The following SPOCK3 variants were observed in gnomAD, a reference collection of about 807,000 sequenced individuals.
SPOCK3 encodes the protein SPARC (osteonectin), cwcv and kazal like domains proteoglycan 3, also known as testican-3.
In SPOCK3, 30 loss-of-function variants were observed where a neutral mutation model predicts 56.6. That is an observed-to-expected ratio of 0.53 (90% CI 0.40 to 0.72). The LOEUF is 0.72. Among genes scored for constraint, SPOCK3 ranks in the 30% least tolerant of loss-of-function variants. SPOCK3 has a pLI of 0.00. For synonymous variants in SPOCK3, 196 were observed against 183.3 expected (o/e 1.07, Z -0.56); for missense variants, 527 against 530.0 (o/e 0.99, Z 0.06).
intron 3 of SPOCK3, among the ~76,000 whole-genome samples, chr4:167,018,078 C>T (rs1247901822): frequency 6.6e-6 from 1 of 151,918 alleles, no homozygotes; most frequent in African/African-American, 2.4e-5. Flanking sequence ...TATTTTTTCA[C>T]ACATTCAAGT....
At chr4:166,834,754 T>G (rs1746433945) in intron 6 of SPOCK3, among the ~76,000 whole-genome samples, 1 of 152,224 alleles carries the variant, frequency 6.6e-6, no homozygotes, top group South Asian at 2.1e-4. Context: ...TTCTATATTT[T>G]GCTTGAGAAG....
intron 4 of SPOCK3, among the ~76,000 whole-genome samples, chr4:166,963,072 TC>T (rs1744316371): frequency 6.6e-6 from 1 of 152,052 alleles, no homozygotes; most frequent in Non-Finnish European, 1.5e-5. Flanking sequence ...TCCAAGTTTC[TC>T]CAAGTATATG....
chr4:166,752,565 TATATATATACACACACACAC>T (rs747260836), intron 8 of SPOCK3, among the ~76,000 whole-genome samples: 2,589 of 101,226 alleles, frequency 0.026, 69 homozygotes, highest in African/African-American at 0.098. Context: ...TATATATATA[TATATATATACACACACACAC>T]ACACACACAC....
chr4:167,233,705 T>C (rs1427091759), intron 2 of SPOCK3, among the ~76,000 whole-genome samples: 2 of 152,086 alleles, frequency 1.3e-5, no homozygotes, highest in African/African-American at 4.8e-5. Flanking sequence ...CTTTGTAACC[T>C]TTGTGGGCCG....
At chr4:167,202,021 T>G (rs1733564952) in intron 2 of SPOCK3, among the ~76,000 whole-genome samples, 1 of 151,966 alleles carries the variant, frequency 6.6e-6, no homozygotes, top group Non-Finnish European at 1.5e-5. Context: ...ATTGATTGTT[T>G]GGTCAACTGA....
At chr4:166,806,140 T>C (rs570119519) in intron 6 of SPOCK3, among the ~76,000 whole-genome samples, 1 of 152,252 alleles carries the variant, frequency 6.6e-6, no homozygotes, top group African/African-American at 2.4e-5. Flanking sequence ...TCATTGCTAT[T>C]TAAATTTCAT....
At chr4:167,113,011 CCTGCTTGA>C (rs1202974532) in intron 2 of SPOCK3, among the ~76,000 whole-genome samples, 1 of 152,068 alleles carries the variant, frequency 6.6e-6, no homozygotes, top group Non-Finnish European at 1.5e-5. Flanking sequence ...AGGTGATTTG[CCTGCTTGA>C]TCATATTGAT....
At chr4:167,147,949 A>G (rs1037898448) in intron 2 of SPOCK3, among the ~76,000 whole-genome samples, 1 of 151,204 alleles carries the variant, frequency 6.6e-6, no homozygotes, top group Admixed American at 6.6e-5. Context: ...CCCAGCACTT[A>G]AAGTATAATA....
At chr4:167,006,597 C>T (rs1456557800) in intron 3 of SPOCK3, among the ~76,000 whole-genome samples, 1 of 152,032 alleles carries the variant, frequency 6.6e-6, no homozygotes, top group Non-Finnish European at 1.5e-5. Flanking sequence ...AATTCGCCTA[C>T]CCAGAAAATC....
intron 7 of SPOCK3, among the ~76,000 whole-genome samples, chr4:166,787,077 A>G (rs1305433556): frequency 6.6e-6 from 1 of 152,202 alleles, no homozygotes; most frequent in Non-Finnish European, 1.5e-5. Context: ...AAACAGATGT[A>G]AATATTGAGA....
At chr4:166,864,811 A>G (rs1731623189) in intron 6 of SPOCK3, among the ~76,000 whole-genome samples, 1 of 152,140 alleles carries the variant, frequency 6.6e-6, no homozygotes, top group Non-Finnish European at 1.5e-5. Flanking sequence ...ACAAAAAAAA[A>G]GCTCAGGACC....
chr4:167,097,360 C>G (rs1004835708), intron 2 of SPOCK3, among the ~76,000 whole-genome samples: 2 of 151,464 alleles, frequency 1.3e-5, no homozygotes, highest in Admixed American at 6.6e-5. Context: ...TAAATCTTCT[C>G]TAGTATCTTC....
intron 4 of SPOCK3, among the ~76,000 whole-genome samples, chr4:166,996,524 A>G (rs1262423826): frequency 1.3e-5 from 2 of 152,190 alleles, no homozygotes; most frequent in Admixed American, 1.3e-4. Flanking sequence ...CCCATCATGT[A>G]TTTCATATTA....
intron 2 of SPOCK3, among the ~76,000 whole-genome samples, chr4:167,139,283 C>T (rs930387973): frequency 6.6e-6 from 1 of 151,746 alleles, no homozygotes; most frequent in Admixed American, 6.6e-5. Flanking sequence ...AATTTATGTG[C>T]CCATCACTGA....
intron 2 of SPOCK3, among the ~76,000 whole-genome samples, chr4:167,178,904 T>C (rs1357287541): frequency 6.6e-6 from 1 of 152,108 alleles, no homozygotes; most frequent in Non-Finnish European, 1.5e-5. Flanking sequence ...GTTTAATTGG[T>C]TTTAAAATGA....
intron 2 of SPOCK3, among the ~76,000 whole-genome samples, chr4:167,206,248 C>T (rs1035007997): frequency 2.6e-5 from 4 of 151,894 alleles, no homozygotes; most frequent in East Asian, 3.9e-4. Context: ...CACTTGAACC[C>T]GGGAGTCGGG....
At chr4:166,736,689 A>T (rs1261804461) in intron 10 of SPOCK3, among the ~76,000 whole-genome samples, 1 of 151,862 alleles carries the variant, frequency 6.6e-6, no homozygotes, top group East Asian at 1.9e-4. Context: ...AAACACAAAG[A>T]ATTAATTCCT....
intron 6 of SPOCK3, among the ~76,000 whole-genome samples, chr4:166,838,076 T>C (rs1186788277): frequency 1.3e-5 from 2 of 152,216 alleles, no homozygotes; most frequent in Non-Finnish European, 2.9e-5. Context: ...AATGTTGTTT[T>C]CCTCTCATTG....
At chr4:167,088,801 A>G (rs1758443143) in intron 2 of SPOCK3, among the ~76,000 whole-genome samples, 1 of 152,108 alleles carries the variant, frequency 6.6e-6, no homozygotes. Context: ...AAAACTTTGT[A>G]TACTATAAAA....
Sources: allele counts gnomAD v4.1 joint callset (sites outside exome capture counted in the v4.1 genomes callset), GRCh38; gene constraint gnomAD v4.1.1; transcripts MANE v1.5; gene names NCBI Gene and HGNC (gene_info 2026-07-23, HGNC 2026-07-21).